ST6GALNAC5: variants seen among roughly 807,000 people sequenced by gnomAD.
ST6GALNAC5 encodes the protein ST6 N-acetylgalactosaminide alpha-2,6-sialyltransferase 5, also known as alpha-N-acetylgalactosaminide alpha-2,6-sialyltransferase 5.
In ST6GALNAC5, 27 loss-of-function variants were observed where a neutral mutation model predicts 33.6. The observed-to-expected ratio is 0.80, with a 90% confidence interval of 0.59 to 1.11. The LOEUF is 1.11. Ranked by LOEUF, ST6GALNAC5 falls within the 50% of genes least tolerant of loss-of-function variation. The pLI is 0.00. For synonymous variants in ST6GALNAC5, 194 were observed against 171.2 expected, an observed-to-expected ratio of 1.13 and a Z score of -1.04; for missense variants, 428 against 454.0, an observed-to-expected ratio of 0.94 and a Z score of 0.52.
intron 2 of ST6GALNAC5, among the ~76,000 whole-genome samples, chr1:76,912,737 G>A (rs1185198524): frequency 2.0e-5 from 3 of 151,988 alleles, no homozygotes; most frequent in Non-Finnish European, 4.4e-5. Flanking sequence ...TCAGAGACTA[G>A]GATTGCAACC....
chr1:76,886,695 T>A (rs1459657350), intron 2 of ST6GALNAC5, among the ~76,000 whole-genome samples: 1 of 152,188 alleles, frequency 6.6e-6, no homozygotes, highest in African/African-American at 2.4e-5. Context: ...TATTAAGTAA[T>A]AACTCCTTAT....
chr1:76,990,765 T>C (rs1455320672), intron 2 of ST6GALNAC5, among the ~76,000 whole-genome samples: 1 of 152,156 alleles, frequency 6.6e-6, no homozygotes, highest in Admixed American at 6.5e-5. Flanking sequence ...ACTGGGTGAT[T>C]TGAGAATTTA....
intron 2 of ST6GALNAC5, among the ~76,000 whole-genome samples, chr1:76,939,418 C>CAGCA (rs1647272860): frequency 1.3e-5 from 2 of 152,068 alleles, no homozygotes; most frequent in Non-Finnish European, 2.9e-5. Context: ...TCAGGACCCA[C>CAGCA]TGTCGATGGA....
intron 2 of ST6GALNAC5, among the ~76,000 whole-genome samples, chr1:77,018,689 C>T (rs1650944481): frequency 6.6e-6 from 1 of 152,196 alleles, no homozygotes. Context: ...TCTTTAAAGC[C>T]TCAGTTTTCC....
At chr1:76,963,073 A>C (rs1428471746) in intron 2 of ST6GALNAC5, among the ~76,000 whole-genome samples, 1 of 152,176 alleles carries the variant, frequency 6.6e-6, no homozygotes, top group Non-Finnish European at 1.5e-5. Context: ...CATTTGTGGA[A>C]GATCTGGTGA....
At chr1:76,999,311 G>T (rs867093991) in intron 2 of ST6GALNAC5, among the ~76,000 whole-genome samples, 1 of 152,024 alleles carries the variant, frequency 6.6e-6, no homozygotes, top group East Asian at 1.9e-4. Context: ...TATTTCCCTG[G>T]TTCATCAAGA....
intron 2 of ST6GALNAC5, among the ~76,000 whole-genome samples, chr1:76,955,563 G>C (rs1647925208): frequency 6.6e-6 from 1 of 152,062 alleles, no homozygotes; most frequent in South Asian, 2.1e-4. Context: ...AGAATCCTAG[G>C]ACAATGAGAT....
At chr1:76,998,226 C>A (rs559707555) in intron 2 of ST6GALNAC5, among the ~76,000 whole-genome samples, 38 of 151,906 alleles carry the variant, frequency 2.5e-4, no homozygotes, top group African/African-American at 8.0e-4. Flanking sequence ...TGAAAACATA[C>A]CCAAAAAATG....
chr1:76,929,544 A>C (rs1647117591), intron 2 of ST6GALNAC5, among the ~76,000 whole-genome samples: 1 of 152,116 alleles, frequency 6.6e-6, no homozygotes, highest in African/African-American at 2.4e-5. Context: ...ATCTCTAAGA[A>C]GAAGAAAAAA....
intron 2 of ST6GALNAC5, among the ~76,000 whole-genome samples, chr1:76,926,242 C>A (rs1647084471): frequency 6.6e-6 from 1 of 152,026 alleles, no homozygotes; most frequent in African/African-American, 2.4e-5. Context: ...CTTATAATTC[C>A]ACTATCAAGT....
intron 2 of ST6GALNAC5, among the ~76,000 whole-genome samples, chr1:77,042,819 AT>A (rs1212422682): frequency 1.3e-5 from 2 of 152,172 alleles, no homozygotes; most frequent in African/African-American, 4.8e-5. Flanking sequence ...CCATAGTAGA[AT>A]GAGGTTTTAA....
At chr1:77,045,064 A>G (rs1651963572) in intron 3 of ST6GALNAC5, among the ~76,000 whole-genome samples, 1 of 152,196 alleles carries the variant, frequency 6.6e-6, no homozygotes, top group Non-Finnish European at 1.5e-5. Flanking sequence ...AAACAGTCAA[A>G]CACAAGTATA....
At chr1:77,057,914 C>A (rs1237611053) in intron 4 of ST6GALNAC5, among the ~76,000 whole-genome samples, 1 of 152,062 alleles carries the variant, frequency 6.6e-6, no homozygotes, top group Non-Finnish European at 1.5e-5. Context: ...CATTACAAAC[C>A]CCTGTTGCCA....
chr1:77,031,996 G>A (rs1651475250), intron 2 of ST6GALNAC5, among the ~76,000 whole-genome samples: 1 of 152,196 alleles, frequency 6.6e-6, no homozygotes, highest in African/African-American at 2.4e-5. Context: ...TGCTTTGAAT[G>A]GGAGATGAAG....
At chr1:77,004,355 G>A (rs1039249685) in intron 2 of ST6GALNAC5, among the ~76,000 whole-genome samples, 2 of 147,848 alleles carry the variant, frequency 1.4e-5, no homozygotes, top group Non-Finnish European at 3.0e-5. Context: ...GCTCCTTTAA[G>A]CACTTCTCTG....
intron 2 of ST6GALNAC5, among the ~76,000 whole-genome samples, chr1:76,906,663 C>G (rs752011145): frequency 6.6e-6 from 1 of 152,078 alleles, no homozygotes; most frequent in Non-Finnish European, 1.5e-5. Flanking sequence ...AGAAAGTTCT[C>G]TTAAATAGGA....
chr1:77,019,273 C>T (rs1369447349), intron 2 of ST6GALNAC5, among the ~76,000 whole-genome samples: 4 of 152,314 alleles, frequency 2.6e-5, no homozygotes, highest in Admixed American at 2.0e-4. Context: ...AAAGGAGGCT[C>T]CCTTCTGCCA....
intron 2 of ST6GALNAC5, among the ~76,000 whole-genome samples, chr1:76,960,621 G>A (rs1018956449): frequency 3.9e-5 from 6 of 152,020 alleles, no homozygotes; most frequent in African/African-American, 9.7e-5. Context: ...CTACAGCTTC[G>A]ACCATAAAAG....
intron 2 of ST6GALNAC5, among the ~76,000 whole-genome samples, chr1:76,986,862 T>C (rs891827388): frequency 4.6e-5 from 7 of 152,186 alleles, no homozygotes; most frequent in African/African-American, 1.7e-4. Context: ...TTCATGTCCT[T>C]TGTAGGGACA....
Sources: allele counts gnomAD v4.1 joint callset (sites outside exome capture counted in the v4.1 genomes callset), GRCh38; gene constraint gnomAD v4.1.1; transcripts MANE v1.5; gene names NCBI Gene and HGNC (gene_info 2026-07-23, HGNC 2026-07-21).